Variants in RAD51B observed in about 807,000 individuals in gnomAD.
RAD51B encodes RAD51 paralog B.
A neutral mutation model predicts 42.2 loss-of-function variants in RAD51B; 38 were observed. That is an observed-to-expected ratio of 0.90 (90% confidence interval 0.70 to 1.18). The LOEUF (loss-of-function observed/expected upper bound fraction) is 1.18. RAD51B is among the 50% of genes most tolerant of loss of function. The probability of loss-of-function intolerance (pLI) is 0.00; values close to 1 mark genes in which losing one functional copy is unlikely to be tolerated. For synonymous variants in RAD51B, 154 were observed against 145.2 expected (o/e 1.06, Z -0.43); for missense variants, 373 against 400.7 (o/e 0.93, Z 0.59).
intron 8 of RAD51B, among the ~76,000 whole-genome samples, chr14:68,374,613 G>A (rs1275775758): frequency 6.6e-6 from 1 of 151,662 alleles, no homozygotes; most frequent in African/African-American, 2.4e-5. Context: ...GTCCTGGTGG[G>A]GTTATAGCTT....
chr14:67,861,859 G>A (rs951020368), intron 4 of RAD51B, among the ~76,000 whole-genome samples: 7 of 151,918 alleles, frequency 4.6e-5, no homozygotes, highest in Non-Finnish European at 1.0e-4. Flanking sequence ...TTTATCATGT[G>A]ATTTTTGTTG....
chr14:68,101,538 G>T (rs1595398014), intron 7 of RAD51B, among the ~76,000 whole-genome samples: 1 of 152,236 alleles, frequency 6.6e-6, no homozygotes, highest in Non-Finnish European at 1.5e-5. Flanking sequence ...CCAAAATCCA[G>T]TAAGACAGTC....
At chr14:67,874,847 C>A (rs910715771) in intron 5 of RAD51B, among the ~76,000 whole-genome samples, 1 of 151,670 alleles carries the variant, frequency 6.6e-6, no homozygotes, top group Non-Finnish European at 1.5e-5. Context: ...ACTGAATTAA[C>A]AATATATTGT....
chr14:68,641,765 T>C (rs1198115675), intron 10 of RAD51B, among the ~76,000 whole-genome samples: 2 of 151,922 alleles, frequency 1.3e-5, no homozygotes, highest in Non-Finnish European at 2.9e-5. Flanking sequence ...TTCACTATGT[T>C]GCCCAAGCTT....
intron 9 of RAD51B, among the ~76,000 whole-genome samples, chr14:68,455,131 G>A (rs10139107): frequency 0.21 from 32,029 of 152,076 alleles, 3,939 homozygotes; most frequent in East Asian, 0.51. Context: ...AGTGGACCAC[G>A]AAGTGGCTTC....
At chr14:68,596,901 G>A (rs1296287379), downstream of RAD51B, among the ~76,000 whole-genome samples, 5 of 152,298 alleles carry the variant, frequency 3.3e-5, no homozygotes, top group African/African-American at 7.2e-5. Context: ...CCTCCTGGCC[G>A]ACTGTTCCAG....
At chr14:68,449,377 T>C (rs1227426049) in intron 9 of RAD51B, among the ~76,000 whole-genome samples, 1 of 152,218 alleles carries the variant, frequency 6.6e-6, no homozygotes, top group African/African-American at 2.4e-5. Flanking sequence ...GTAAACATTT[T>C]ACAAAGTCTC....
chr14:67,903,279 C>G (rs977239899), intron 7 of RAD51B, among the ~76,000 whole-genome samples: 11 of 152,148 alleles, frequency 7.2e-5, no homozygotes, highest in African/African-American at 2.2e-4. Flanking sequence ...GAAAAATACT[C>G]TCTCTCAAAA....
intron 7 of RAD51B, among the ~76,000 whole-genome samples, chr14:67,949,879 T>A (rs1202371416): frequency 6.6e-6 from 1 of 152,206 alleles, no homozygotes; most frequent in East Asian, 1.9e-4. Flanking sequence ...AGGGGCGTTG[T>A]CAATGAATTC....
intron 7 of RAD51B, among the ~76,000 whole-genome samples, chr14:68,287,305 G>T (rs2081432021): frequency 6.6e-6 from 1 of 152,126 alleles, no homozygotes; most frequent in Non-Finnish European, 1.5e-5. Flanking sequence ...TCCTATACAG[G>T]TGCACCTCTG....
chr14:67,964,394 T>C (rs1014223371), intron 7 of RAD51B, among the ~76,000 whole-genome samples: 1 of 152,180 alleles, frequency 6.6e-6, no homozygotes, highest in Middle Eastern at 3.2e-3. Context: ...AGCTCCAAAG[T>C]GTGTGCACAT....
chr14:68,155,661 T>G (rs1207730917), intron 7 of RAD51B, among the ~76,000 whole-genome samples: 1 of 152,176 alleles, frequency 6.6e-6, no homozygotes, highest in Non-Finnish European at 1.5e-5. Context: ...AGTCAATAAA[T>G]GGTTGCAAAA....
At chr14:68,524,853 G>T (rs1340026031) in intron 10 of RAD51B, among the ~76,000 whole-genome samples, 3 of 152,182 alleles carry the variant, frequency 2.0e-5, no homozygotes, top group Non-Finnish European at 4.4e-5. Context: ...CCAGCATGTG[G>T]CAGAGACCAC....
At chr14:67,961,466 A>C (rs1049041466) in intron 7 of RAD51B, among the ~76,000 whole-genome samples, 1 of 152,230 alleles carries the variant, frequency 6.6e-6, no homozygotes, top group African/African-American at 2.4e-5. Context: ...TATGCTGGCT[A>C]TCAGAATGCT....
At chr14:67,962,164 G>A (rs1049435595) in intron 7 of RAD51B, among the ~76,000 whole-genome samples, 1 of 152,054 alleles carries the variant, frequency 6.6e-6, no homozygotes, top group Non-Finnish European at 1.5e-5. Flanking sequence ...GAATAATCAC[G>A]GTAAACACAG....
chr14:68,640,415 G>A (rs1172075683), intron 10 of RAD51B, among the ~76,000 whole-genome samples: 1 of 152,210 alleles, frequency 6.6e-6, no homozygotes, highest in Non-Finnish European at 1.5e-5. Context: ...AGGGTTAGGA[G>A]TAATCCACTT....
chr14:67,924,698 G>C (rs1595115270), intron 7 of RAD51B, among the ~76,000 whole-genome samples: 1 of 152,164 alleles, frequency 6.6e-6, no homozygotes, highest in African/African-American at 2.4e-5. Flanking sequence ...CTCCCACTGG[G>C]TCTCTGTCAC....
intron 7 of RAD51B, among the ~76,000 whole-genome samples, chr14:68,187,180 A>T (rs772890438): frequency 5.7e-4 from 87 of 152,204 alleles, no homozygotes; most frequent in Non-Finnish European, 1.1e-3. Flanking sequence ...TAAAGATGGC[A>T]ACAGTCAACA....
chr14:68,446,471 T>C (rs541240228), intron 9 of RAD51B, among the ~76,000 whole-genome samples: 1 of 152,310 alleles, frequency 6.6e-6, no homozygotes, highest in Admixed American at 6.5e-5. Context: ...TAGTTAGAGC[T>C]GAGGGCTGAT....
Sources: allele counts gnomAD v4.1 joint callset (sites outside exome capture counted in the v4.1 genomes callset), GRCh38; gene constraint gnomAD v4.1.1; transcripts MANE v1.5; gene names NCBI Gene and HGNC (gene_info 2026-07-23, HGNC 2026-07-21).